Variants in XNDC1N observed in about 807,000 individuals in gnomAD.
XNDC1N encodes XRCC1 N-terminal domain containing 1, N-terminal like.
At chr11:71,895,800 G>C in the XNDC1N span, among the ~76,000 whole-genome samples, 1 of 152,154 alleles carries the variant, frequency 6.6e-6, no homozygotes, top group African/African-American at 2.4e-5. Context: ...TTGCTCTTCA[G>C]AAATTTGTTT....
chr11:71,911,591 T>C, the XNDC1N span, among the ~76,000 whole-genome samples: 1 of 152,150 alleles, frequency 6.6e-6, no homozygotes, highest in African/African-American at 2.4e-5. Flanking sequence ...ATTGGGGCCT[T>C]AGAACTCAGT....
At chr11:71,875,974 G>A in the XNDC1N span, among the ~76,000 whole-genome samples, 3 of 152,182 alleles carry the variant, frequency 2.0e-5, no homozygotes, top group South Asian at 6.2e-4. Context: ...GCAGTGAGCT[G>A]AGATCATGCT....
At chr11:71,882,942 C>T in the XNDC1N span, among the ~76,000 whole-genome samples, 2 of 152,088 alleles carry the variant, frequency 1.3e-5, no homozygotes, top group African/African-American at 4.8e-5. Flanking sequence ...AGTTGTGTTT[C>T]TATAGCACTA....
At chr11:71,917,421 A>T in the XNDC1N span, 2 of 627,116 alleles carry the variant, frequency 3.2e-6, no homozygotes, top group Non-Finnish European at 5.8e-6. Context: ...CTCCCCAGCT[A>T]GCATGCATCC....
chr11:71,917,895 G>T, the XNDC1N span: 1 of 620,584 alleles, frequency 1.6e-6, no homozygotes, highest in Non-Finnish European at 2.9e-6. Flanking sequence ...AAGGTTCAGC[G>T]ATATGTGGAG....
chr11:71,903,671 T>G, the XNDC1N span: 13,962 of 437,072 alleles, frequency 0.032, 324 homozygotes, highest in East Asian at 0.068. Context: ...TTTCCCTCAG[T>G]CTTTTAGACT....
the XNDC1N span, among the ~76,000 whole-genome samples, chr11:71,920,792 G>A: frequency 6.6e-6 from 1 of 151,974 alleles, no homozygotes; most frequent in Admixed American, 6.6e-5. Flanking sequence ...TTGGTTGAGC[G>A]ATCTTGGGTA....
At chr11:71,911,934 G>T in the XNDC1N span, among the ~76,000 whole-genome samples, 44 of 152,162 alleles carry the variant, frequency 2.9e-4, no homozygotes, top group African/African-American at 1.1e-3. Flanking sequence ...AAGAAGAAAA[G>T]GACTTTCTGC....
At chr11:71,898,299 T>TA in the XNDC1N span, among the ~76,000 whole-genome samples, 2 of 151,332 alleles carry the variant, frequency 1.3e-5, no homozygotes, top group East Asian at 3.9e-4. Flanking sequence ...GTCAGTGAAA[T>TA]AAATAAATCC....
chr11:71,923,223 G>A, the XNDC1N span: 1 of 696,536 alleles, frequency 1.4e-6, no homozygotes, highest in Non-Finnish European at 2.6e-6. Context: ...TAGATTGGGA[G>A]TTTCCTGAAA....
the XNDC1N span, among the ~76,000 whole-genome samples, chr11:71,920,782 T>C: frequency 6.6e-6 from 1 of 152,192 alleles, no homozygotes; most frequent in Non-Finnish European, 1.5e-5. Flanking sequence ...CAGATATTTT[T>C]TGGTTGAGCG....
At chr11:71,909,103 A>G in the XNDC1N span, among the ~76,000 whole-genome samples, 29 of 151,670 alleles carry the variant, frequency 1.9e-4, no homozygotes, top group Admixed American at 1.4e-3. Context: ...GAAAATCAGC[A>G]CATGATTCAC....
chr11:71,910,186 G>A, the XNDC1N span, among the ~76,000 whole-genome samples: 7 of 152,146 alleles, frequency 4.6e-5, no homozygotes, highest in South Asian at 4.1e-4. Flanking sequence ...CCCAAGCCAC[G>A]GACCAAGGAC....
chr11:71,869,074 T>C, the XNDC1N span, among the ~76,000 whole-genome samples: 9 of 152,196 alleles, frequency 5.9e-5, no homozygotes, highest in Non-Finnish European at 1.0e-4. Flanking sequence ...TATTATACTT[T>C]AAGTTCTAGG....
At chr11:71,889,908 G>A in the XNDC1N span, among the ~76,000 whole-genome samples, 2 of 152,278 alleles carry the variant, frequency 1.3e-5, no homozygotes, top group South Asian at 2.1e-4. Flanking sequence ...TAACCCCTGT[G>A]CTTCTTCGTG....
the XNDC1N span, among the ~76,000 whole-genome samples, chr11:71,887,076 G>C: frequency 8.5e-4 from 130 of 152,350 alleles, 1 homozygote; most frequent in African/African-American, 3.1e-3. Context: ...AAGGGTTCTT[G>C]AACTGAGGGA....
the XNDC1N span, chr11:71,917,802 A>G: frequency 5.7e-6 from 4 of 702,224 alleles, no homozygotes; most frequent in East Asian, 5.4e-5. Flanking sequence ...TGAGAGAAGG[A>G]TAAGAGGAAT....
chr11:71,873,832 T>C, the XNDC1N span, among the ~76,000 whole-genome samples: 2 of 152,194 alleles, frequency 1.3e-5, no homozygotes, highest in African/African-American at 4.8e-5. Context: ...AAAAACGTAA[T>C]TAGATTTTCA....
the XNDC1N span, among the ~76,000 whole-genome samples, chr11:71,882,109 A>G: frequency 6.6e-6 from 1 of 152,070 alleles, no homozygotes; most frequent in Non-Finnish European, 1.5e-5. Context: ...AGAAGCCAGG[A>G]GGGGAAAAAA....
Sources: allele counts gnomAD v4.1 joint callset (sites outside exome capture counted in the v4.1 genomes callset), GRCh38; gene constraint gnomAD v4.1.1; transcripts MANE v1.5; gene names NCBI Gene and HGNC (gene_info 2026-07-23, HGNC 2026-07-21).